SLC9A9: variants seen among roughly 807,000 people sequenced by gnomAD.
SLC9A9 encodes the protein solute carrier family 9 member A9.
Under a neutral mutation model 77.8 loss-of-function variants are expected in SLC9A9, and 62 were observed. The observed-to-expected ratio is 0.80, with a 90% confidence interval of 0.65 to 0.98. SLC9A9 has a LOEUF of 0.98. SLC9A9 is among the 50% of genes least tolerant of loss of function. SLC9A9 has a pLI of 0.00. For missense variants in SLC9A9, 775 were observed against 774.9 expected, an observed-to-expected ratio of 1.00 and a Z score of 0.00; for synonymous variants, 320 against 283.5, an observed-to-expected ratio of 1.13 and a Z score of -1.29.
intron 1 of SLC9A9, among the ~76,000 whole-genome samples, chr3:143,844,889 C>A (rs2009799401): frequency 6.6e-6 from 1 of 151,796 alleles, no homozygotes; most frequent in Admixed American, 6.6e-5. Flanking sequence ...AGTTTTGTTT[C>A]TTTTCTTCCC....
chr3:143,588,590 G>A (rs1309992506), intron 6 of SLC9A9, among the ~76,000 whole-genome samples: 1 of 152,192 alleles, frequency 6.6e-6, no homozygotes, highest in Non-Finnish European at 1.5e-5. Context: ...TGAATTATAT[G>A]TGCATTTTCT....
intron 12 of SLC9A9, among the ~76,000 whole-genome samples, chr3:143,456,747 T>C (rs1400030965): frequency 1.3e-5 from 2 of 152,050 alleles, no homozygotes; most frequent in East Asian, 3.9e-4. Flanking sequence ...GTATTTTTAA[T>C]AGAGACGGAG....
intron 11 of SLC9A9, 139 bp from the exon 12 acceptor site, chr3:143,467,329 G>A (rs1012050823): frequency 1.9e-5 from 19 of 1,024,444 alleles, no homozygotes; most frequent in Non-Finnish European, 2.5e-5. Context: ...TTCATAAAGA[G>A]TTGTAAGAAA....
chr3:143,441,349 G>A (rs960146235), intron 12 of SLC9A9, among the ~76,000 whole-genome samples: 7 of 152,078 alleles, frequency 4.6e-5, no homozygotes, highest in African/African-American at 1.7e-4. Flanking sequence ...TGCCAGGGAG[G>A]GTGGGAAGTG....
intron 11 of SLC9A9, among the ~76,000 whole-genome samples, chr3:143,487,566 T>C (rs954267761): frequency 1.3e-5 from 2 of 151,764 alleles, no homozygotes; most frequent in Non-Finnish European, 3.0e-5. Context: ...AGGACAACAG[T>C]GGAAGTTAGA....
chr3:143,679,913 GA>G (rs1199343109), intron 5 of SLC9A9, among the ~76,000 whole-genome samples: 4 of 151,916 alleles, frequency 2.6e-5, no homozygotes, highest in Non-Finnish European at 5.9e-5. Context: ...AAACATAGCA[GA>G]AAAAAATTAT....
At chr3:143,783,117 G>A (rs1342309758) in intron 4 of SLC9A9, among the ~76,000 whole-genome samples, 1 of 152,056 alleles carries the variant, frequency 6.6e-6, no homozygotes, top group African/African-American at 2.4e-5. Flanking sequence ...CGTTAAAAGC[G>A]CATATCCTCT....
intron 14 of SLC9A9, among the ~76,000 whole-genome samples, chr3:143,324,989 T>C (rs1198987716): frequency 6.6e-6 from 1 of 152,042 alleles, no homozygotes; most frequent in Non-Finnish European, 1.5e-5. Flanking sequence ...GAAAAATATT[T>C]AATAGTGTCC....
intron 14 of SLC9A9, among the ~76,000 whole-genome samples, chr3:143,286,012 C>T (rs1006236614): frequency 5.9e-5 from 9 of 151,948 alleles, no homozygotes; most frequent in African/African-American, 2.2e-4. Context: ...AAACCAGAGC[C>T]TAGGAAAGGC....
intron 9 of SLC9A9, among the ~76,000 whole-genome samples, chr3:143,516,551 G>A (rs1414798896): frequency 6.6e-6 from 1 of 152,088 alleles, no homozygotes; most frequent in Non-Finnish European, 1.5e-5. Flanking sequence ...ATTCGGGTAT[G>A]CAGCTTTTAT....
intron 12 of SLC9A9, among the ~76,000 whole-genome samples, chr3:143,414,690 C>T (rs1383675100): frequency 6.6e-6 from 1 of 151,934 alleles, no homozygotes; most frequent in Admixed American, 6.6e-5. Context: ...CTGTTTCCCT[C>T]TCTCTCTCTC....
chr3:143,709,895 A>G (rs1900649), intron 4 of SLC9A9, among the ~76,000 whole-genome samples: 144,277 of 152,212 alleles, frequency 0.95, 68,397 homozygotes, highest in East Asian at 1. Flanking sequence ...TTGTTTTTTA[A>G]GGACAGAGAT....
chr3:143,710,295 A>T (rs1247734816), intron 4 of SLC9A9, among the ~76,000 whole-genome samples: 1 of 152,170 alleles, frequency 6.6e-6, no homozygotes, highest in Non-Finnish European at 1.5e-5. Flanking sequence ...GCAAGAGGGG[A>T]TCCTTCTACC....
intron 5 of SLC9A9, among the ~76,000 whole-genome samples, chr3:143,662,954 G>A (rs545307825): frequency 1.3e-5 from 2 of 152,092 alleles, no homozygotes; most frequent in African/African-American, 4.8e-5. Flanking sequence ...CCAGCACAGA[G>A]TTTGAGATCT....
chr3:143,465,152 A>G (rs1007536234), intron 12 of SLC9A9, among the ~76,000 whole-genome samples: 2 of 152,182 alleles, frequency 1.3e-5, no homozygotes, highest in African/African-American at 4.8e-5. Flanking sequence ...CATCGCCATG[A>G]CCTGGCTGCC....
intron 4 of SLC9A9, among the ~76,000 whole-genome samples, chr3:143,694,928 T>G (rs1321001203): frequency 1.3e-5 from 2 of 152,106 alleles, no homozygotes; most frequent in East Asian, 3.9e-4. Context: ...GGGCCCAACA[T>G]TGCTTTGCAA....
intron 6 of SLC9A9, among the ~76,000 whole-genome samples, chr3:143,588,713 T>G (rs574945222): frequency 1.3e-5 from 2 of 152,340 alleles, no homozygotes; most frequent in Non-Finnish European, 2.9e-5. Context: ...GAGAGGAAAG[T>G]GAATTTGAGA....
chr3:143,793,027 TA>T (rs1030112600), intron 4 of SLC9A9, among the ~76,000 whole-genome samples: 1 of 152,220 alleles, frequency 6.6e-6, no homozygotes, highest in African/African-American at 2.4e-5. Context: ...AGAAAGTAAC[TA>T]CAAATTTTTG....
At chr3:143,344,409 C>T (rs1453043686) in intron 14 of SLC9A9, 1 of 152,148 alleles carries the variant, frequency 6.6e-6, no homozygotes, top group Non-Finnish European at 1.5e-5. Flanking sequence ...CTGTATTACT[C>T]TCTGCTTTGA....
Sources: gnomAD v4.1 joint callset for allele counts (sites outside exome capture counted in the v4.1 genomes callset) on GRCh38, gnomAD v4.1.1 for gene constraint, MANE v1.5 for transcripts, NCBI Gene and HGNC (gene_info 2026-07-23, HGNC 2026-07-21) for gene names.